The following HIVEP3 variants were observed in gnomAD, a reference collection of about 807,000 sequenced individuals.
HIVEP3 encodes the protein transcription factor HIVEP3.
HIVEP3 carries 49 observed loss-of-function variants against 152.8 expected under a neutral mutation model. That is an observed-to-expected ratio of 0.32 (90% CI 0.26 to 0.41). HIVEP3 has a LOEUF of 0.41. Among genes scored for constraint, HIVEP3 ranks in the 10% least tolerant of loss-of-function variants. The probability of loss-of-function intolerance (pLI) is 1.00; values close to 1 mark genes in which losing one functional copy is unlikely to be tolerated. For synonymous variants in HIVEP3, 1,269 were observed against 1,289.0 expected (o/e 0.98, Z 0.33); for missense variants, 2,790 against 3,103.3 (o/e 0.90, Z 2.40).
intron 1 of HIVEP3, among the ~76,000 whole-genome samples, chr1:41,887,254 T>C (rs2124435060): frequency 6.6e-6 from 1 of 151,946 alleles, no homozygotes; most frequent in Middle Eastern, 3.4e-3. Flanking sequence ...ATTTTGTTAT[T>C]TTTCTGGATT....
chr1:41,649,178 A>T (rs192447470), intron 2 of HIVEP3, among the ~76,000 whole-genome samples: 3 of 152,318 alleles, frequency 2.0e-5, no homozygotes, highest in Admixed American at 2.0e-4. Context: ...TTGTGGCCGG[A>T]GCCTCCCACT....
At chr1:41,989,366 T>G (rs775546833) in intron 1 of HIVEP3, among the ~76,000 whole-genome samples, 11 of 152,060 alleles carry the variant, frequency 7.2e-5, no homozygotes, top group Non-Finnish European at 1.3e-4. Flanking sequence ...ATTTGTCAAT[T>G]TAAAAAATTA....
rs147795251 is a variant in HIVEP3, at chr1:41,513,994, T to C, written c.5471-244A>G. 6.3e-3 allele frequency among the ~76,000 whole-genome samples: 965 copies of C among 152,346 alleles called. 8 individuals carry two copies. Among genetic ancestry groups the C allele is most frequent in the African/African-American group, 0.022 (930 of 41,578 alleles). On this transcript the variant is annotated intron_variant, in intron 7 of 8. Coordinates refer to ENST00000372583, the MANE Select transcript of HIVEP3 (RefSeq NM_024503.5). ...TGTTCAGTTCTGAGAGCTTTAGGTA[T>C]ATTTATTCATTTAGACCTCAGAGAA...
chr1:41,649,711 T>C (rs1265994291), intron 2 of HIVEP3, among the ~76,000 whole-genome samples: 1 of 152,014 alleles, frequency 6.6e-6, no homozygotes, highest in Non-Finnish European at 1.5e-5. Context: ...CAGGATCAAA[T>C]GCGGGGAGGG....
chr1:42,012,608 T>A (rs1645499699), intron 1 of HIVEP3, among the ~76,000 whole-genome samples: 2 of 152,166 alleles, frequency 1.3e-5, no homozygotes, highest in African/African-American at 4.8e-5. Context: ...GAGAATTGCT[T>A]GAACCCAGGA....
intron 3 of HIVEP3, among the ~76,000 whole-genome samples, chr1:41,615,344 C>T (rs1386230753): frequency 6.6e-6 from 1 of 152,254 alleles, no homozygotes; most frequent in Non-Finnish European, 1.5e-5. Context: ...CCGTCCCTCA[C>T]CTTGGGATGC....
chr1:41,711,032 G>A (rs913202621), intron 1 of HIVEP3, among the ~76,000 whole-genome samples: 13 of 152,246 alleles, frequency 8.5e-5, no homozygotes, highest in African/African-American at 3.1e-4. Flanking sequence ...AGATGTCCCT[G>A]AGTCAGCCCT....
At chr1:41,903,304 A>C (rs1644655845) in intron 1 of HIVEP3, among the ~76,000 whole-genome samples, 1 of 152,210 alleles carries the variant, frequency 6.6e-6, no homozygotes, top group Non-Finnish European at 1.5e-5. Flanking sequence ...AGCCAGGCTC[A>C]GCAACTGCCT....
intron 1 of HIVEP3, among the ~76,000 whole-genome samples, chr1:41,839,565 G>A (rs1431618558): frequency 6.6e-6 from 1 of 152,212 alleles, no homozygotes; most frequent in African/African-American, 2.4e-5. Flanking sequence ...CCCATAGGAG[G>A]ATTCCAGGGA....
chr1:41,861,845 T>C (rs1643890808), intron 1 of HIVEP3, among the ~76,000 whole-genome samples: 1 of 152,228 alleles, frequency 6.6e-6, no homozygotes, highest in Non-Finnish European at 1.5e-5. Context: ...TTTGTGGGGA[T>C]GCAGACTAGA....
intron 5 of HIVEP3, among the ~76,000 whole-genome samples, chr1:41,526,212 A>AACC (rs1360531663): frequency 1.5e-4 from 22 of 151,514 alleles, no homozygotes; most frequent in Non-Finnish European, 2.5e-4. Flanking sequence ...GCAGCAACAG[A>AACC]ACCACCACCA....
chr1:41,860,724 T>C (rs1408062812), intron 1 of HIVEP3, among the ~76,000 whole-genome samples: 1 of 152,212 alleles, frequency 6.6e-6, no homozygotes, highest in Non-Finnish European at 1.5e-5. Flanking sequence ...ATTGCCATTG[T>C]TGGAGTTTCC....
chr1:41,672,224 G>C (rs1265676627), intron 2 of HIVEP3, among the ~76,000 whole-genome samples: 1 of 152,166 alleles, frequency 6.6e-6, no homozygotes, highest in Non-Finnish European at 1.5e-5. Context: ...CACATGTGGG[G>C]CAGGCCCCAT....
chr1:42,004,950 C>T (rs939855064), intron 1 of HIVEP3, among the ~76,000 whole-genome samples: 3 of 152,170 alleles, frequency 2.0e-5, no homozygotes, highest in African/African-American at 7.2e-5. Context: ...ATATGTCTGT[C>T]GCCTAGTTCT....
intron 2 of HIVEP3, among the ~76,000 whole-genome samples, chr1:41,684,489 T>C (rs964891579): frequency 4.6e-5 from 7 of 152,332 alleles, no homozygotes; most frequent in Non-Finnish European, 8.8e-5. Context: ...GTCACCTCCA[T>C]AGACCTGGCA....
At chr1:41,523,380 G>C (rs1171225403) in intron 6 of HIVEP3, among the ~76,000 whole-genome samples, 3 of 152,172 alleles carry the variant, frequency 2.0e-5, no homozygotes, top group Non-Finnish European at 4.4e-5. Flanking sequence ...AGAGGATGGG[G>C]GAAAGGCAGT....
At chr1:41,752,688 C>T (rs552080818) in intron 1 of HIVEP3, among the ~76,000 whole-genome samples, 2 of 152,372 alleles carry the variant, frequency 1.3e-5, no homozygotes, top group South Asian at 4.1e-4. Context: ...TGTGTTTGAA[C>T]AAGCCCAGGC....
intron 3 of HIVEP3, among the ~76,000 whole-genome samples, chr1:41,588,612 T>C (rs1644539932): frequency 6.6e-6 from 1 of 152,064 alleles, no homozygotes; most frequent in Non-Finnish European, 1.5e-5. Context: ...CCAGGGTCAG[T>C]GTCCAGCCTG....
intron 1 of HIVEP3, among the ~76,000 whole-genome samples, chr1:41,785,390 T>C (rs1478044302): frequency 6.6e-6 from 1 of 152,146 alleles, no homozygotes; most frequent in Non-Finnish European, 1.5e-5. Context: ...ATAAATCCAC[T>C]TACAGGGATT....
Sources: gnomAD v4.1 joint callset for allele counts (sites outside exome capture counted in the v4.1 genomes callset) on GRCh38, gnomAD v4.1.1 for gene constraint, MANE v1.5 for transcripts, NCBI Gene and HGNC (gene_info 2026-07-23, HGNC 2026-07-21) for gene names.